SKI: variants seen among roughly 807,000 people sequenced by gnomAD.
The protein encoded by SKI is SKI proto-oncogene, also known as ski oncogene.
Under a neutral mutation model 59.3 loss-of-function variants are expected in SKI, and 23 were observed. The ratio of observed to expected loss-of-function variants is 0.39; its 90% CI spans 0.28 to 0.55. The LOEUF (loss-of-function observed/expected upper bound fraction) is 0.55. Ranked by LOEUF, SKI falls within the 20% of genes least tolerant of loss-of-function variation. The probability of loss-of-function intolerance (pLI) is 0.67; values close to 1 mark genes in which losing one functional copy is unlikely to be tolerated. For missense variants in SKI, 1,017 were observed against 1,038.9 expected, an observed-to-expected ratio of 0.98 and a Z score of 0.29; for synonymous variants, 673 against 488.6, an observed-to-expected ratio of 1.38 and a Z score of -4.98.
At position 2,291,895 on chromosome 1, in the gene SKI, A is replaced by G. The variant is rs529360310; in HGVS notation, c.970-11083A>G. 3.2e-4 allele frequency among the ~76,000 whole-genome samples: 48 copies of G among 152,320 alleles called. No homozygotes were observed. The South Asian group carries it at 9.5e-3, about 30-fold the overall frequency. ...CCTTTAAAGCTGGTATTCTCACTTCATTTTGGGGCTTGGGGTTGTCTTGCA... is the reference window on the plus strand; with the variant it reads ...CCTTTAAAGCTGGTATTCTCACTTCGTTTTGGGGCTTGGGGTTGTCTTGCA... On this transcript the variant is annotated intron_variant, in intron 1 of 6. Coordinates refer to ENST00000378536, the MANE Select transcript of SKI (RefSeq NM_003036.4).
In SKI at chr1:2,229,563, C is replaced by T. The variant is rs781605980; in HGVS notation, c.797C>T (p.Ala266Val). 3 of 1,611,314 alleles carry T rather than the reference C, an allele frequency of 1.9e-6. No homozygotes were observed. Among genetic ancestry groups the T allele is most frequent in the Non-Finnish European group, 2.5e-6 (3 of 1,179,960 alleles). ...AAGTTCGTGGTGCACTCGCACAAGG[C>T]CCTGGAGAACCGGACCTGCCACTGG... ...PHKFVVHSHK[A>V]LENRTCHWGF... The change falls in exon 1 of 7, where the codon GCC (alanine) becomes GTC (valine). Residue 266 changes from alanine (A) to valine (V), a missense_variant. By Grantham distance (64) the Ala-to-Val change is moderately conservative. Coordinates refer to ENST00000378536, the MANE Select transcript of SKI (RefSeq NM_003036.4). The surrounding 1 kb of genome is among the most constrained non-coding windows in gnomAD (Gnocchi z 6.3).
chr1:2,244,343 C>CA (rs1328942014), intron 1 of SKI, among the ~76,000 whole-genome samples: 1 of 152,050 alleles, frequency 6.6e-6, no homozygotes, highest in East Asian at 2.0e-4. Flanking sequence ...TTTGGGAGGC[C>CA]AAGGTGGGTG....
At chr1:2,292,069 C>T (rs1424493683) in intron 1 of SKI, among the ~76,000 whole-genome samples, 1 of 152,178 alleles carries the variant, frequency 6.6e-6, no homozygotes, top group African/African-American at 2.4e-5. Context: ...TCAGAGAAGG[C>T]CCATAGCTCA....
chr1:2,241,942 T>A (rs546252531), intron 1 of SKI, among the ~76,000 whole-genome samples: 1 of 140,076 alleles, frequency 7.1e-6, no homozygotes, highest in Non-Finnish European at 1.6e-5. Flanking sequence ...CTTCCGTGCA[T>A]GCCTGTCTGT....
At chr1:2,305,581 T>TG (rs964585553) in intron 5 of SKI, among the ~76,000 whole-genome samples, 9 of 150,476 alleles carry the variant, frequency 6.0e-5, no homozygotes, top group African/African-American at 1.5e-4. Context: ...ATGGGGAGAG[T>TG]GGGGGGGCTT....
intron 5 of SKI, 51 bp from the exon 6 acceptor site, chr1:2,305,969 G>A: frequency 1.5e-6 from 2 of 1,344,374 alleles, no homozygotes; most frequent in South Asian, 2.5e-5. Context: ...CATGGTGAGG[G>A]GTGTGCTGGG....
intron 4 of SKI, 80 bp downstream of exon 4, chr1:2,304,182 G>A (rs1640505424): frequency 1.9e-6 from 3 of 1,582,620 alleles, no homozygotes; most frequent in Non-Finnish European, 2.6e-6. Context: ...GTCGCCGGGG[G>A]TGCGTTGGTG....
chr1:2,295,740 C>T (rs965759602), intron 1 of SKI, among the ~76,000 whole-genome samples: 1 of 151,376 alleles, frequency 6.6e-6, no homozygotes, highest in Non-Finnish European at 1.5e-5. Context: ...CCACGTGTGA[C>T]TGTGTGTGTC....
rs138776564 is a variant in SKI, at chr1:2,231,664, A to G, written c.969+1929A>G. Reference sequence around the variant, plus strand: ...GATTAAAAAGCAATTCCCAGGCCATACTGACGACGTGCACGGTGTGAGTGA... The same window carrying G: ...GATTAAAAAGCAATTCCCAGGCCATGCTGACGACGTGCACGGTGTGAGTGA... On this transcript the variant is annotated intron_variant, in intron 1 of 6. Transcript: ENST00000378536. 6.7e-3 allele frequency among the ~76,000 whole-genome samples: 1,026 copies of G among 152,288 alleles called. 14 individuals are homozygous for G. The highest frequency in any genetic ancestry group is 0.038 in the South Asian group (182 of 4,824).
In SKI at chr1:2,283,981, C is replaced by T. The variant is rs111254455; in HGVS notation, c.970-18997C>T. On this transcript the variant is annotated intron_variant, in intron 1 of 6. Coordinates refer to ENST00000378536, the MANE Select transcript of SKI (RefSeq NM_003036.4). ...TTTCCCTCCAGAGCTGCTGTCTGCCCGCAGCTAGTGCCCTGTTAGCAGGTG... is the reference window on the plus strand; with the variant it reads ...TTTCCCTCCAGAGCTGCTGTCTGCCTGCAGCTAGTGCCCTGTTAGCAGGTG... Among the ~76,000 whole-genome samples, 436 of 152,260 alleles carry T rather than the reference C, an allele frequency of 2.9e-3. 4 individuals carry two copies. Among genetic ancestry groups the T allele is most frequent in the African/African-American group, 8.9e-3 (368 of 41,534 alleles).
chr1:2,284,288 C>T lies in SKI; in HGVS notation c.970-18690C>T, dbSNP rs557077364. Reference sequence around the variant, plus strand: ...GATCCCTGGACCCATGCTGCCGAGACGTCCTGGTAGGGTTGAGTTCCCTCC... The same window carrying T: ...GATCCCTGGACCCATGCTGCCGAGATGTCCTGGTAGGGTTGAGTTCCCTCC... On this transcript the variant is annotated intron_variant, in intron 1 of 6. Coordinates refer to ENST00000378536, the MANE Select transcript of SKI (RefSeq NM_003036.4). Among the ~76,000 whole-genome samples the T allele has an allele frequency of 9.2e-5, 14 of 152,308 alleles. No homozygotes were observed. The South Asian group carries it at 1.0e-3, about 11-fold the overall frequency.
At chr1:2,305,782 C>G (rs1045920715) in intron 5 of SKI, among the ~76,000 whole-genome samples, 1 of 152,204 alleles carries the variant, frequency 6.6e-6, no homozygotes, top group Non-Finnish European at 1.5e-5. Context: ...GTGACTGACT[C>G]AGGCCCCCAG....
In SKI at chr1:2,303,564, C is replaced by T. The variant is rs1640481423; in HGVS notation, c.1211+164C>T. The T allele has an allele frequency of 1.4e-6, 1 of 708,576 alleles. No individual in the cohort carries two copies. Among genetic ancestry groups the T allele is most frequent in the Non-Finnish European group, 2.3e-6 (1 of 425,892 alleles). The allele number at this position is 708,576 out of a possible 1,614,324, so 43.9% of individuals were successfully genotyped here. On this transcript the variant is annotated intron_variant, in intron 3 of 6. Coordinates refer to ENST00000378536, the MANE Select transcript of SKI (RefSeq NM_003036.4). This position sits in a 1 kb window ranked among gnomAD's most constrained non-coding sequence, Gnocchi z 5.6. The stretch of plus-strand genomic sequence containing the variant: ...CCTTTGGCTGGCATCAGGGAGAGCA[C>T]ACCTAGAGCGTTCCCTGTGTTCTGG...
chr1:2,289,626 T>TGG (rs1210477636), intron 1 of SKI, among the ~76,000 whole-genome samples: 16 of 60,114 alleles, frequency 2.7e-4, no homozygotes, highest in East Asian at 4.5e-4. Flanking sequence ...ATCGTGGGGG[T>TGG]GGGGGTGCAG....
At chr1:2,242,907 G>A (rs1315606337) in intron 1 of SKI, among the ~76,000 whole-genome samples, 1 of 152,260 alleles carries the variant, frequency 6.6e-6, no homozygotes, top group Admixed American at 6.5e-5. Flanking sequence ...TGTGTTCTCT[G>A]TGGGAATATT....
chr1:2,259,732 C>G (rs1639344044), intron 1 of SKI, among the ~76,000 whole-genome samples: 1 of 152,206 alleles, frequency 6.6e-6, no homozygotes, highest in East Asian at 1.9e-4. Flanking sequence ...CTGCAGCAGT[C>G]TGCTTTTGGG....
At chr1:2,294,306 G>T (rs1223428340) in intron 1 of SKI, among the ~76,000 whole-genome samples, 2 of 152,244 alleles carry the variant, frequency 1.3e-5, no homozygotes, top group Non-Finnish European at 2.9e-5. Flanking sequence ...GGTTTCATCT[G>T]GTGATCTGCT....
chr1:2,239,654 T>C (rs146302900), intron 1 of SKI, among the ~76,000 whole-genome samples: 1,581 of 152,350 alleles, frequency 0.01, 16 homozygotes, highest in South Asian at 0.025. Flanking sequence ...CTGGTGATGC[T>C]GGTGGATGGT....
At chr1:2,252,841 T>C (rs10910037) in intron 1 of SKI, among the ~76,000 whole-genome samples, 42,940 of 151,996 alleles carry the variant, frequency 0.28, 7,407 homozygotes, top group Admixed American at 0.38. Context: ...GTGCCTGTAA[T>C]CCCAGCACTT....
Sources: gnomAD v4.1 joint callset for allele counts (sites outside exome capture counted in the v4.1 genomes callset) on GRCh38, gnomAD v4.1.1 for gene constraint, Gnocchi (gnomAD v3.1) non-coding constraint, MANE v1.5 for transcripts, NCBI Gene and HGNC (gene_info 2026-07-23, HGNC 2026-07-21) for gene names.